Variants in PTPRO observed in about 807,000 individuals in gnomAD.
PTPRO encodes protein tyrosine phosphatase receptor type O, also known as receptor-type tyrosine-protein phosphatase O.
A neutral mutation model predicts 145.2 loss-of-function variants in PTPRO; 62 were observed. The observed-to-expected ratio is 0.43, with a 90% CI of 0.35 to 0.53. The LOEUF (loss-of-function observed/expected upper bound fraction) is 0.53. Among genes scored for constraint, PTPRO ranks in the 20% least tolerant of loss-of-function variants. PTPRO has a pLI of 0.01. For missense variants in PTPRO, 1,345 were observed against 1,482.7 expected (o/e 0.91, Z 1.53); for synonymous variants, 565 against 514.7 (o/e 1.10, Z -1.32).
intron 25 of PTPRO, 28 bp downstream of exon 25, chr12:15,589,618 A>T (rs1313594026): frequency 1.9e-6 from 3 of 1,613,232 alleles, no homozygotes; most frequent in Admixed American, 1.7e-5. Flanking sequence ...ATGTATTTTT[A>T]AATTTTCCCT....
At chr12:15,401,584 T>C (rs1033275251) in intron 1 of PTPRO, among the ~76,000 whole-genome samples, 4 of 152,152 alleles carry the variant, frequency 2.6e-5, no homozygotes, top group African/African-American at 4.8e-5. Context: ...CAACCAAGAA[T>C]GACAAATTTG....
chr12:15,481,471 T>C (rs925602694), intron 1 of PTPRO, among the ~76,000 whole-genome samples: 1 of 152,234 alleles, frequency 6.6e-6, no homozygotes, highest in African/African-American at 2.4e-5. Context: ...TTATTTTGTT[T>C]ATTACATGAC....
At position 15,580,073 on chromosome 12, in the gene PTPRO, T is replaced by A; in HGVS notation, c.2955T>A (p.Asn985Lys). The A allele has an allele frequency of 6.2e-7, 1 of 1,613,136 alleles. No individual in the cohort carries two copies. Among genetic ancestry groups the A allele is most frequent in the Non-Finnish European group, 8.5e-7 (1 of 1,179,804 alleles). The change falls in exon 21 of 27, where the codon AAT becomes AAA. Residue 985 changes from asparagine (N) to lysine (K), a missense_variant. By Grantham distance (94) the Asn-to-Lys change is moderately conservative (BLOSUM62 0). This residue lies in a region of PTPRO where 1,130 missense variants were observed against 1,214.7 expected (regional missense o/e 0.93). Coordinates refer to ENST00000281171, the MANE Select transcript of PTPRO (RefSeq NM_030667.3). ...GCCGTGTGAGATTAGTCTCCATGAATGAAGAGGAAGGTGCAGACTACATCA... is the reference window on the plus strand; with the variant it reads ...GCCGTGTGAGATTAGTCTCCATGAAAGAAGAGGAAGGTGCAGACTACATCA... ...DFSRVRLVSM[N>K]EEEGADYINA...
chr12:15,592,261 G>T (rs1555098347), intron 25 of PTPRO, among the ~76,000 whole-genome samples: 1 of 152,058 alleles, frequency 6.6e-6, no homozygotes, highest in Admixed American at 6.5e-5. Context: ...AACAAGGAAA[G>T]AACAAAGTAA....
At chr12:15,544,353 A>T (rs992573589) in intron 12 of PTPRO, among the ~76,000 whole-genome samples, 3 of 151,714 alleles carry the variant, frequency 2.0e-5, no homozygotes, top group African/African-American at 7.3e-5. Flanking sequence ...AAATACAAAA[A>T]AATTAGCTGG....
At chr12:15,459,172 G>A (rs1941246879) in intron 1 of PTPRO, among the ~76,000 whole-genome samples, 1 of 152,160 alleles carries the variant, frequency 6.6e-6, no homozygotes, top group South Asian at 2.1e-4. Context: ...TTAAATATGT[G>A]ATCCAACTCT....
intron 6 of PTPRO, among the ~76,000 whole-genome samples, chr12:15,504,688 G>C (rs577738863): frequency 6.6e-6 from 1 of 152,146 alleles, no homozygotes; most frequent in East Asian, 1.9e-4. Flanking sequence ...TTTACTGGAA[G>C]TATAGAGGTC....
chr12:15,501,455 T>A (rs2417439), intron 4 of PTPRO, among the ~76,000 whole-genome samples, 165 bp from the exon 5 acceptor site: 1 of 152,142 alleles, frequency 6.6e-6, no homozygotes, highest in Admixed American at 6.5e-5. Flanking sequence ...AGTATGTATA[T>A]GGAAAAAAAC....
chr12:15,546,369 G>A, intron 12 of PTPRO, 200 bp from the exon 13 acceptor site: 1 of 1,412,560 alleles, frequency 7.1e-7, no homozygotes. Flanking sequence ...AAAATGGAAG[G>A]GGGAAAAGGC....
chr12:15,413,324 T>C (rs1939854680), intron 1 of PTPRO, among the ~76,000 whole-genome samples: 1 of 152,186 alleles, frequency 6.6e-6, no homozygotes, highest in Non-Finnish European at 1.5e-5. Context: ...CTCAAACTCC[T>C]GGCCTCAAAT....
chr12:15,351,927 T>C lies in PTPRO; in HGVS notation c.75+29126T>C, dbSNP rs1937815757. On this transcript the variant is annotated intron_variant, in intron 1 of 26. Transcript: ENST00000281171. ...AATAAATAACCTCAGGAAAAACATG[T>C]GATTTGCAATAACTGTGGATGCTCT... Among the ~76,000 whole-genome samples, 4 of 152,178 alleles carry C rather than the reference T, an allele frequency of 2.6e-5. No individual in the cohort carries two copies. In the South Asian group the frequency reaches 8.3e-4, roughly 32 times the overall value.
In PTPRO at chr12:15,494,384, T is replaced by C. The variant is rs16910911; in HGVS notation, c.350-2861T>C. Among the ~76,000 whole-genome samples, 769 of 152,328 alleles carry C rather than the reference T, an allele frequency of 5.0e-3. 6 individuals are homozygous for C. Among genetic ancestry groups the C allele is most frequent in the African/African-American group, 0.017 (713 of 41,588 alleles). On this transcript the variant is annotated intron_variant, in intron 2 of 26. Transcript: ENST00000281171. ...CAGCTTAGATTAGGATTTAACCTTG[T>C]CATCACTGAAATACCTGTTAGTAAC...
intron 1 of PTPRO, among the ~76,000 whole-genome samples, chr12:15,389,776 G>T (rs1939137948): frequency 6.6e-6 from 1 of 152,124 alleles, no homozygotes; most frequent in South Asian, 2.1e-4. Flanking sequence ...TTCCAACATT[G>T]CCTGTTTCTT....
chr12:15,445,080 C>A (rs1940867126), intron 1 of PTPRO, among the ~76,000 whole-genome samples: 2 of 152,092 alleles, frequency 1.3e-5, no homozygotes, highest in Non-Finnish European at 2.9e-5. Flanking sequence ...TGCTGAGTTT[C>A]TTCCATACAT....
intron 1 of PTPRO, among the ~76,000 whole-genome samples, chr12:15,362,262 T>C (rs976409692): frequency 4.6e-5 from 7 of 152,210 alleles, no homozygotes; most frequent in Non-Finnish European, 8.8e-5. Flanking sequence ...CACCAGCAAC[T>C]ACTGAGAAGG....
chr12:15,335,482 G>A (rs1260564364), intron 1 of PTPRO, among the ~76,000 whole-genome samples: 4 of 152,022 alleles, frequency 2.6e-5, no homozygotes, highest in Non-Finnish European at 5.9e-5. Context: ...TGCCATGGGG[G>A]AATTTCCTCT....
At chr12:15,361,438 C>CAAAAAAAAAA (rs71042244) in intron 1 of PTPRO, among the ~76,000 whole-genome samples, 16 of 70,978 alleles carry the variant, frequency 2.3e-4, no homozygotes, top group Non-Finnish European at 3.5e-4. Flanking sequence ...GACTCAGTCT[C>CAAAAAAAAAA]AAAAAAAAAA....
intron 1 of PTPRO, among the ~76,000 whole-genome samples, chr12:15,415,627 C>T (rs560364503): frequency 1.3e-4 from 20 of 151,784 alleles, no homozygotes; most frequent in African/African-American, 3.2e-4. Flanking sequence ...CCTTGTGATC[C>T]GCCCACCCTG....
At chr12:15,388,941 T>C (rs1400884328) in intron 1 of PTPRO, among the ~76,000 whole-genome samples, 2 of 152,074 alleles carry the variant, frequency 1.3e-5, no homozygotes, top group Non-Finnish European at 2.9e-5. Flanking sequence ...AAATCTACTC[T>C]TATTGACCTC....
Sources: allele counts gnomAD v4.1 joint callset (sites outside exome capture counted in the v4.1 genomes callset), GRCh38; gene constraint gnomAD v4.1.1; regional missense constraint gnomAD v4.1.1; transcripts MANE v1.5; gene names NCBI Gene and HGNC (gene_info 2026-07-23, HGNC 2026-07-21).